Variants in REXO5 observed in about 807,000 individuals in gnomAD.
REXO5 encodes RNA exonuclease 5.
REXO5 carries 48 observed loss-of-function variants against 88.5 expected under a neutral mutation model. That is an observed-to-expected ratio of 0.54 (90% CI 0.43 to 0.69). The LOEUF is 0.69. Among genes scored for constraint, REXO5 ranks in the 30% least tolerant of loss-of-function variants. The pLI, the probability that REXO5 is intolerant of heterozygous loss-of-function variation, is 0.00. For synonymous variants in REXO5, 311 were observed against 336.5 expected, an observed-to-expected ratio of 0.92 and a Z score of 0.83; for missense variants, 749 against 912.2, an observed-to-expected ratio of 0.82 and a Z score of 2.30.
At chr16:20,842,473 G>A (rs989802899) in intron 15 of REXO5, among the ~76,000 whole-genome samples, 1 of 137,308 alleles carries the variant, frequency 7.3e-6, no homozygotes, top group African/African-American at 2.7e-5. Flanking sequence ...TCTACCCTTT[G>A]TTTTGTTTGT....
chr16:20,820,227 CCTTT>C (rs1419020149), intron 5 of REXO5, among the ~76,000 whole-genome samples: 1 of 152,026 alleles, frequency 6.6e-6, no homozygotes, highest in Non-Finnish European at 1.5e-5. Context: ...CTTGCACAGA[CCTTT>C]CTTTCTTCAT....
chr16:20,824,289 G>A (rs1234492850), intron 6 of REXO5, 150 bp from the exon 7 acceptor site: 7 of 548,688 alleles, frequency 1.3e-5, no homozygotes, highest in African/African-American at 9.7e-5. Flanking sequence ...GACAGAGATT[G>A]TATCTTATTT....
chr16:20,840,928 T>C (rs1472965541), intron 15 of REXO5, among the ~76,000 whole-genome samples: 1 of 152,212 alleles, frequency 6.6e-6, no homozygotes, highest in Non-Finnish European at 1.5e-5. Context: ...GTGGTCCTTA[T>C]GATTGTACCT....
At position 20,807,015 on chromosome 16, in the gene REXO5, C is replaced by T; in HGVS notation, c.62C>T (p.Ala21Val). ...AGGAAGGTCAGGGAAAGCAGGCAGG[C>T]CCCAAATAAGCTGGTCGGGGCAGCT... is the stretch of plus-strand genomic sequence containing the variant. ...HPRKVRESRQ[A>V]PNKLVGAAEA... The change falls in exon 2 of 20, where the codon GCC becomes GTC. Residue 21 changes from alanine (A) to valine (V), a missense_variant. Coordinates refer to ENST00000261377, the MANE Select transcript of REXO5 (RefSeq NM_030941.3). 1.2e-6 allele frequency: 2 copies of T among 1,602,276 alleles called. No homozygotes were observed. Among genetic ancestry groups the T allele is most frequent in the Non-Finnish European group, 1.7e-6 (2 of 1,174,856 alleles).
At chr16:20,832,091 T>G in intron 11 of REXO5, 65 bp from the exon 12 acceptor site, 1 of 1,081,912 alleles carries the variant, frequency 9.2e-7, no homozygotes, top group Non-Finnish European at 1.4e-6. Flanking sequence ...CTTTTTGTTT[T>G]GTATTTATTT....
chr16:20,841,855 CA>C (rs1262701310), intron 15 of REXO5, among the ~76,000 whole-genome samples: 1 of 152,150 alleles, frequency 6.6e-6, no homozygotes, highest in African/African-American at 2.4e-5. Flanking sequence ...ATCCACCTCC[CA>C]AAGTGCTGGG....
At chr16:20,816,698 G>A (rs1286732480) in intron 5 of REXO5, among the ~76,000 whole-genome samples, 1 of 152,130 alleles carries the variant, frequency 6.6e-6, no homozygotes, top group Admixed American at 6.5e-5. Flanking sequence ...TTAGATAGCA[G>A]GAACCACAGC....
rs544352923 is a variant in REXO5 at position 20,827,333 on chromosome 16, T to A, written c.961-20T>A. 7.5e-4 allele frequency: 1,202 copies of A among 1,608,042 alleles called. 29 individuals are homozygous for A. In the South Asian group the frequency reaches 0.013, roughly 17 times the overall value. ...CCTTTAGCATAAGACACTACTCATT[T>A]TATTCTCTTTCTTCCTCAGATGATA... On this transcript the variant is annotated intron_variant, in intron 9 of 19. Coordinates refer to ENST00000261377, the MANE Select transcript of REXO5 (RefSeq NM_030941.3).
In REXO5 at chr16:20,828,292, G is replaced by A. The variant is rs1004863239; in HGVS notation, c.1056-143G>A. Reference sequence around the variant, plus strand: ...TCTCGCAGGGCTGGGCAATTAGCTGGAATAAAGGAACCTTGATTTTTGTGA... The same window carrying A: ...TCTCGCAGGGCTGGGCAATTAGCTGAAATAAAGGAACCTTGATTTTTGTGA... On this transcript the variant is annotated intron_variant, in intron 10 of 19. Transcript: ENST00000261377. The A allele has an allele frequency of 2.4e-5, 14 of 585,834 alleles. No individual in the cohort carries two copies. In the African/African-American group the frequency reaches 2.4e-4, roughly 10 times the overall value. The allele number at this position is 585,834 out of a possible 1,614,324, so 36.3% of individuals were successfully genotyped here. A position where few individuals can be genotyped will look rare whatever the true frequency, so the allele number is the denominator to read the frequency against.
At chr16:20,814,282 G>A (rs939867496) in intron 3 of REXO5, among the ~76,000 whole-genome samples, 1 of 152,132 alleles carries the variant, frequency 6.6e-6, no homozygotes, top group Non-Finnish European at 1.5e-5. Flanking sequence ...TGTCACCTAG[G>A]CTGGAGTGCA....
intron 19 of REXO5, 130 bp downstream of exon 19, chr16:20,846,469 C>T (rs561234265): frequency 9.4e-6 from 6 of 635,564 alleles, no homozygotes; most frequent in South Asian, 7.7e-5. Flanking sequence ...TAATTTTCAC[C>T]GTTCTAAAAG....
At chr16:20,845,004 A>G in intron 17 of REXO5, 50 bp from the exon 18 acceptor site, 1 of 1,591,294 alleles carries the variant, frequency 6.3e-7, no homozygotes, top group East Asian at 2.2e-5. Context: ...TTGGATGGTG[A>G]TCAGCTTTCT....
chr16:20,825,919 T>C lies in REXO5; in HGVS notation c.792T>C (p.Pro264=). ...GTGTTATGGATGAACTGGTCAAACC[T>C]GAAAACAAGATTCTGGACTACCTCA... The part of the protein sequence containing the change: ...GCCVMDELVK[P]ENKILDYLTS... The change falls in exon 8 of 20, where the codon CCT becomes CCC. Residue 264 remains proline, a synonymous_variant. Coordinates refer to ENST00000261377, the MANE Select transcript of REXO5 (RefSeq NM_030941.3). 1.2e-6 allele frequency: 2 copies of C among 1,613,682 alleles called. No homozygotes were observed. The highest frequency in any genetic ancestry group is 1.7e-6 in the Non-Finnish European group (2 of 1,179,776).
intron 14 of REXO5, 86 bp from the exon 15 acceptor site, chr16:20,840,245 T>C (rs1198451528): frequency 5.9e-6 from 7 of 1,188,114 alleles, no homozygotes; most frequent in Middle Eastern, 3.1e-4. Context: ...AAAAAATCTT[T>C]GGTGAATAAT....
chr16:20,807,289 A>G, intron 2 of REXO5, 198 bp downstream of exon 2: 1 of 658,320 alleles, frequency 1.5e-6, no homozygotes, highest in Non-Finnish European at 2.5e-6. Flanking sequence ...TCACTGGGAT[A>G]GTGAGTCGGC....
At chr16:20,829,077 C>G (rs1194744323) in intron 11 of REXO5, among the ~76,000 whole-genome samples, 3 of 152,062 alleles carry the variant, frequency 2.0e-5, no homozygotes, top group Admixed American at 6.5e-5. Flanking sequence ...AGTATATAGT[C>G]CCTGCAGTTG....
intron 15 of REXO5, among the ~76,000 whole-genome samples, chr16:20,843,279 C>A (rs1596613439): frequency 6.6e-6 from 1 of 151,972 alleles, no homozygotes; most frequent in Non-Finnish European, 1.5e-5. Flanking sequence ...GGATATTAAT[C>A]TTTTATTAGC....
intron 2 of REXO5, among the ~76,000 whole-genome samples, chr16:20,812,367 C>CA (rs924214237): frequency 6.6e-6 from 1 of 151,570 alleles, no homozygotes; most frequent in Non-Finnish European, 1.5e-5. Flanking sequence ...ACCAAAAATA[C>CA]AAAAAAAATT....
At chr16:20,826,287 T>C (rs1762229673) in intron 8 of REXO5, among the ~76,000 whole-genome samples, 1 of 152,174 alleles carries the variant, frequency 6.6e-6, no homozygotes, top group African/African-American at 2.4e-5. Context: ...CAAGTCATCA[T>C]TTGGCAGTCA....
Sources: allele counts gnomAD v4.1 joint callset (sites outside exome capture counted in the v4.1 genomes callset), GRCh38; gene constraint gnomAD v4.1.1; transcripts MANE v1.5; gene names NCBI Gene and HGNC (gene_info 2026-07-23, HGNC 2026-07-21).